TEX9: variants seen among roughly 807,000 people sequenced by gnomAD.
TEX9 encodes testis expressed 9.
Under a neutral mutation model 59.6 loss-of-function variants are expected in TEX9, and 74 were observed. The observed-to-expected ratio is 1.24, with a 90% CI of 1.03 to 1.51. The LOEUF (loss-of-function observed/expected upper bound fraction) is 1.51. Among genes scored for constraint, TEX9 ranks in the 40% most tolerant of loss-of-function variants. The pLI, the probability that TEX9 is intolerant of heterozygous loss-of-function variation, is 0.00. For synonymous variants in TEX9, 186 were observed against 152.2 expected, an observed-to-expected ratio of 1.22 and a Z score of -1.64; for missense variants, 522 against 447.8, an observed-to-expected ratio of 1.17 and a Z score of -1.49.
intron 9 of TEX9, 37 bp downstream of exon 9, chr15:56,394,871 G>C: frequency 6.4e-7 from 1 of 1,573,860 alleles, no homozygotes; most frequent in Non-Finnish European, 8.6e-7. Context: ...TAATGCCACA[G>C]ATACAAGAAA....
chr15:56,361,737 G>C (rs2046792847), upstream of TEX9, among the ~76,000 whole-genome samples: 1 of 147,014 alleles, frequency 6.8e-6, no homozygotes, highest in Non-Finnish European at 1.5e-5. Flanking sequence ...TGAAAAGCAG[G>C]AATGCCATGC....
intron 1 of TEX9, among the ~76,000 whole-genome samples, chr15:56,290,876 C>T (rs1452338621): frequency 6.6e-6 from 1 of 151,304 alleles, no homozygotes. Flanking sequence ...TTGTGACTAG[C>T]TGTCATTGTT....
chr15:56,358,393 T>A (rs1221312845), intron 1 of TEX9, among the ~76,000 whole-genome samples: 6 of 151,198 alleles, frequency 4.0e-5, no homozygotes, highest in Non-Finnish European at 7.4e-5. Context: ...GTGTCCCAGA[T>A]CATCTAGCTC....
At position 56,371,863 on chromosome 15, in the gene TEX9, C is replaced by T. The variant is rs142667085; in HGVS notation, c.120-1578C>T. On this transcript the variant is annotated intron_variant, in intron 2 of 12. Transcript: ENST00000352903. Reference sequence around the variant, plus strand: ...TCTACCTGTGGTTCTAGTTTCATTTCTGCTCACCTAAGGTTGTGGGTAGAA... The same window carrying T: ...TCTACCTGTGGTTCTAGTTTCATTTTTGCTCACCTAAGGTTGTGGGTAGAA... 1.8e-3 allele frequency among the ~76,000 whole-genome samples: 277 copies of T among 152,294 alleles called. 2 individuals carry two copies. Among genetic ancestry groups the T allele is most frequent in the Non-Finnish European group, 3.2e-3 (219 of 68,022 alleles).
chr15:56,245,622 CTT>C (rs1470797076), intron 1 of TEX9, among the ~76,000 whole-genome samples: 2 of 152,194 alleles, frequency 1.3e-5, no homozygotes, highest in African/African-American at 2.4e-5. Context: ...TTGTTGAACA[CTT>C]TGTGTGCCAG....
At chr15:56,430,593 A>G (rs1410244359) in intron 12 of TEX9, among the ~76,000 whole-genome samples, 1 of 152,196 alleles carries the variant, frequency 6.6e-6, no homozygotes, top group African/African-American at 2.4e-5. Context: ...AAGTTTAACT[A>G]GTTATAACTT....
intron 1 of TEX9, among the ~76,000 whole-genome samples, chr15:56,311,371 C>T (rs2045611588): frequency 7.0e-6 from 1 of 142,130 alleles, no homozygotes; most frequent in African/African-American, 2.6e-5. Context: ...TCAGTCCCCA[C>T]CTATGAGTGA....
intron 1 of TEX9, among the ~76,000 whole-genome samples, chr15:56,274,264 T>C (rs1320949149): frequency 6.6e-6 from 1 of 152,222 alleles, no homozygotes; most frequent in African/African-American, 2.4e-5. Context: ...TTTGAGTGCA[T>C]TGAAAGTAAT....
intron 1 of TEX9, among the ~76,000 whole-genome samples, chr15:56,359,073 T>A (rs1401476543): frequency 1.3e-5 from 2 of 152,152 alleles, no homozygotes; most frequent in Non-Finnish European, 2.9e-5. Flanking sequence ...TTTACAAAGC[T>A]GTTATATCTC....
intron 10 of TEX9, among the ~76,000 whole-genome samples, chr15:56,412,810 C>G (rs1441877992): frequency 2.0e-5 from 3 of 152,250 alleles, no homozygotes; most frequent in Admixed American, 6.5e-5. Context: ...AAGTAAGGCT[C>G]TATTTTACAG....
intron 9 of TEX9, among the ~76,000 whole-genome samples, chr15:56,402,503 C>T (rs1167701655): frequency 1.3e-5 from 2 of 152,006 alleles, no homozygotes; most frequent in African/African-American, 4.8e-5. Flanking sequence ...TAATAGCCTA[C>T]CAACCAAAAA....
intron 1 of TEX9, among the ~76,000 whole-genome samples, chr15:56,348,406 C>T (rs573373018): frequency 6.6e-5 from 10 of 152,014 alleles, no homozygotes; most frequent in Non-Finnish European, 1.5e-4. Flanking sequence ...TGAAGAACTT[C>T]TATAGCATTC....
intron 2 of TEX9, among the ~76,000 whole-genome samples, chr15:56,370,653 T>A (rs1194223075): frequency 6.6e-6 from 1 of 152,208 alleles, no homozygotes. Context: ...TTTTAGATAA[T>A]TATGCTGGTA....
chr15:56,456,043 G>A, the TEX9 span, among the ~76,000 whole-genome samples: 1 of 152,064 alleles, frequency 6.6e-6, no homozygotes, highest in East Asian at 1.9e-4. Flanking sequence ...AGTCATTCCA[G>A]AAATACTGTA....
At chr15:56,352,279 C>G (rs1412617484) in intron 1 of TEX9, among the ~76,000 whole-genome samples, 5 of 152,136 alleles carry the variant, frequency 3.3e-5, no homozygotes, top group Non-Finnish European at 5.9e-5. Flanking sequence ...GAGTCTCGCC[C>G]TGTCGTCTGG....
intron 2 of TEX9, among the ~76,000 whole-genome samples, chr15:56,372,521 C>T (rs1273583856): frequency 3.3e-5 from 5 of 152,194 alleles, no homozygotes; most frequent in Admixed American, 6.5e-5. Context: ...ATGGTGTTAA[C>T]CTTTAAAAGT....
chr15:56,457,136 C>T, the TEX9 span, among the ~76,000 whole-genome samples: 3 of 152,156 alleles, frequency 2.0e-5, no homozygotes, highest in African/African-American at 7.2e-5. Context: ...CACCTCTACA[C>T]ACATTTTTCC....
chr15:56,327,727 T>C (rs940179166), intron 1 of TEX9, among the ~76,000 whole-genome samples: 2 of 152,052 alleles, frequency 1.3e-5, no homozygotes, highest in Middle Eastern at 3.2e-3. Flanking sequence ...GAACTTTGCA[T>C]TGGAAACTGG....
At chr15:56,287,519 T>G (rs1450618098) in intron 1 of TEX9, among the ~76,000 whole-genome samples, 5 of 152,220 alleles carry the variant, frequency 3.3e-5, no homozygotes, top group African/African-American at 1.2e-4. Context: ...GTACCTCATA[T>G]AATTATTTTT....
Sources: allele counts gnomAD v4.1 joint callset (sites outside exome capture counted in the v4.1 genomes callset), GRCh38; gene constraint gnomAD v4.1.1; transcripts MANE v1.5; gene names NCBI Gene and HGNC (gene_info 2026-07-23, HGNC 2026-07-21).